CMC1: variants seen among roughly 807,000 people sequenced by gnomAD.
CMC1 encodes the protein C-X9-C motif containing 1, also known as COX assembly mitochondrial protein homolog.
Under a neutral mutation model 14.1 loss-of-function variants are expected in CMC1, and 14 were observed. That is an observed-to-expected ratio of 0.99 (90% CI 0.66 to 1.55). The LOEUF is 1.55. Among genes scored for constraint, CMC1 ranks in the 40% most tolerant of loss-of-function variants. CMC1 has a pLI of 0.00. For missense variants in CMC1, 127 were observed against 123.8 expected (o/e 1.03, Z -0.12); for synonymous variants, 50 against 38.4 (o/e 1.30, Z -1.12).
intron 1 of CMC1, among the ~76,000 whole-genome samples, chr3:28,256,767 C>A (rs1699434605): frequency 6.6e-6 from 1 of 152,114 alleles, no homozygotes; most frequent in Non-Finnish European, 1.5e-5. Flanking sequence ...ATTTGAGCAT[C>A]CAAGACAGAG....
At chr3:28,249,645 A>G (rs956756022) in intron 1 of CMC1, among the ~76,000 whole-genome samples, 1 of 152,196 alleles carries the variant, frequency 6.6e-6, no homozygotes, top group Non-Finnish European at 1.5e-5. Flanking sequence ...CCCAAGCATT[A>G]AGAATTTTGT....
chr3:28,280,938 C>T (rs928995322), intron 2 of CMC1, among the ~76,000 whole-genome samples: 1 of 152,196 alleles, frequency 6.6e-6, no homozygotes, highest in African/African-American at 2.4e-5. Context: ...CACAGCCATG[C>T]TCATTTACTT....
intron 2 of CMC1, among the ~76,000 whole-genome samples, chr3:28,305,823 T>C (rs953698407): frequency 3.7e-5 from 5 of 134,234 alleles, no homozygotes; most frequent in Admixed American, 1.6e-4. Flanking sequence ...TTTGAGGTCT[T>C]ACGTTTAAGT....
At chr3:28,310,197 C>T (rs12492440) in intron 2 of CMC1, among the ~76,000 whole-genome samples, 1 of 152,160 alleles carries the variant, frequency 6.6e-6, no homozygotes, top group African/African-American at 2.4e-5. Context: ...TTCTGTGCTT[C>T]CATAGCACCC....
chr3:28,307,816 G>A (rs752577453), intron 2 of CMC1, among the ~76,000 whole-genome samples: 16 of 152,100 alleles, frequency 1.1e-4, no homozygotes, highest in East Asian at 1.9e-4. Context: ...TCATAGTTCC[G>A]TAGTTCTCAA....
In CMC1 at chr3:28,322,752, T is replaced by C. The variant is rs1703225480; in HGVS notation, c.*3123T>C. The C allele has an allele frequency of 6.6e-6, 1 of 151,588 alleles. No individual in the cohort carries two copies. The highest frequency in any genetic ancestry group is 2.4e-5 in the African/African-American group (1 of 41,314). The allele number at this position is 151,588 out of a possible 1,614,324, so 9.4% of individuals were successfully genotyped here. A position where few individuals can be genotyped will look rare whatever the true frequency, so the allele number is the denominator to read the frequency against. ...AATCACAGACAAGCTTGAATAAGTGTAAGATAATAGAAAAAAATATCTAGT... is the reference window on the plus strand; with the variant it reads ...AATCACAGACAAGCTTGAATAAGTGCAAGATAATAGAAAAAAATATCTAGT... On this transcript the variant is annotated 3_prime_UTR_variant, in exon 4 of 4. Transcript: ENST00000466830.
rs1559454589 is a variant in CMC1 at position 28,324,199 on chromosome 3, C to T, written c.*4570C>T. The T allele has an allele frequency of 3.1e-6, 5 of 1,610,674 alleles. No individual in the cohort carries two copies. Among genetic ancestry groups the T allele is most frequent in the Non-Finnish European group, 4.2e-6 (5 of 1,177,618 alleles). ...CCAGGAATTGTCTTCCAGAGAATTT[C>T]TGCCATAAGAACTGTGTTCCTGAAA... On this transcript the variant is annotated 3_prime_UTR_variant, in exon 4 of 4. Transcript: ENST00000466830.
chr3:28,299,808 G>A (rs1218083155), intron 2 of CMC1, among the ~76,000 whole-genome samples: 1 of 151,938 alleles, frequency 6.6e-6, no homozygotes, highest in Admixed American at 6.6e-5. Flanking sequence ...GTATTTTAAT[G>A]TTTATCTTCA....
chr3:28,241,943 C>T (rs1698544219), intron 1 of CMC1, 131 bp downstream of exon 1: 3 of 963,630 alleles, frequency 3.1e-6, no homozygotes, highest in African/African-American at 1.7e-5. Flanking sequence ...AGCGTCTCCT[C>T]ATACCCGGCG....
At chr3:28,258,190 G>A (rs1699524662) in intron 1 of CMC1, among the ~76,000 whole-genome samples, 1 of 149,982 alleles carries the variant, frequency 6.7e-6, no homozygotes, top group Non-Finnish European at 1.5e-5. Context: ...GATATATTCT[G>A]GACTCAAGTC....
At chr3:28,310,905 A>G (rs1335753085) in intron 2 of CMC1, among the ~76,000 whole-genome samples, 1 of 152,048 alleles carries the variant, frequency 6.6e-6, no homozygotes, top group Non-Finnish European at 1.5e-5. Flanking sequence ...ACAATTCTTC[A>G]CAAGAGGGTT....
intron 2 of CMC1, among the ~76,000 whole-genome samples, chr3:28,301,796 G>T (rs1702062208): frequency 6.6e-6 from 1 of 152,046 alleles, no homozygotes; most frequent in Non-Finnish European, 1.5e-5. Context: ...GCTGAGCCAG[G>T]AGAAGAGAAA....
chr3:28,318,472 C>T (rs1425216601), intron 3 of CMC1: 1 of 151,852 alleles, frequency 6.6e-6, no homozygotes, highest in Non-Finnish European at 1.5e-5. Flanking sequence ...GTTGGTGATT[C>T]CCCAAGTTCT....
rs1448148193 is a variant in CMC1, at chr3:28,272,887, A to G, written c.109+9507A>G. Among the ~76,000 whole-genome samples the G allele has an allele frequency of 2.6e-5, 4 of 151,918 alleles. No homozygotes were observed. The East Asian group carries it at 5.8e-4, about 22-fold the overall frequency. On this transcript the variant is annotated intron_variant, in intron 2 of 3. Coordinates refer to ENST00000466830, the MANE Select transcript of CMC1 (RefSeq NM_182523.2). ...TTTTTAGTAGAGATGGGGTTTCACT[A>G]TGTTGGCCAGGCTGGTCTCAAACTC...
At chr3:28,243,203 C>G in intron 1 of CMC1, among the ~76,000 whole-genome samples, 1 of 151,976 alleles carries the variant, frequency 6.6e-6, no homozygotes, top group Admixed American at 6.6e-5. Context: ...TTACGGGCGC[C>G]CGCCACCACG....
At chr3:28,243,218 G>A (rs1293251905) in intron 1 of CMC1, among the ~76,000 whole-genome samples, 1 of 151,976 alleles carries the variant, frequency 6.6e-6, no homozygotes, top group Non-Finnish European at 1.5e-5. Flanking sequence ...ACCACGGCCG[G>A]CTAATTTTTG....
Position 28,241,806 on chromosome 3 carries a change from C to A in CMC1, c.13C>A (p.Pro5Thr), listed in dbSNP as rs1698532077. The stretch of plus-strand genomic sequence containing the variant: ...TCGGCCCGCCGAGATGGCGCTCGAC[C>A]CCGCAGGTACCGGGGCGGGAAGCGG... MALD[P>T]ADQHLRHVEK... Residue 5 changes from proline to threonine, a missense_variant, in exon 1 of 4, where the codon CCC (proline) becomes ACC (threonine). By Grantham distance (38) the Pro-to-Thr change is conservative. Transcript: ENST00000466830. 1 of 1,239,858 alleles carries A rather than the reference C, an allele frequency of 8.1e-7. No individual in the cohort carries two copies. Among genetic ancestry groups the A allele is most frequent in the Non-Finnish European group, 1.0e-6 (1 of 988,100 alleles). The allele number at this position is 1,239,858 out of a possible 1,614,324, so 76.8% of individuals were successfully genotyped here.
In CMC1 at chr3:28,324,641, A is replaced by G. The variant is rs1703314342; in HGVS notation, c.*5012A>G. Reference sequence around the variant, plus strand: ...ATCTGAGTTTTAATCCTGGATCAGCAATTTACTGTGACTTTAGATATTTGT... The same window carrying G: ...ATCTGAGTTTTAATCCTGGATCAGCGATTTACTGTGACTTTAGATATTTGT... On this transcript the variant is annotated 3_prime_UTR_variant, in exon 4 of 4. Coordinates refer to ENST00000466830, the MANE Select transcript of CMC1 (RefSeq NM_182523.2). 2.2e-6 allele frequency: 1 copy of G among 450,684 alleles called. No homozygotes were observed. The highest frequency in any genetic ancestry group is 3.7e-6 in the Non-Finnish European group (1 of 268,138). 27.9% of individuals were successfully genotyped at this position (450,684 alleles called of 1,614,324 possible). A position where few individuals can be genotyped will look rare whatever the true frequency, so the allele number is the denominator to read the frequency against.
intron 2 of CMC1, among the ~76,000 whole-genome samples, chr3:28,281,989 T>A (rs1367554906): frequency 6.6e-6 from 1 of 152,124 alleles, no homozygotes. Context: ...GATTTTGGAG[T>A]GTCTTAACAG....
Sources: allele counts gnomAD v4.1 joint callset (sites outside exome capture counted in the v4.1 genomes callset), GRCh38; gene constraint gnomAD v4.1.1; transcripts MANE v1.5; gene names NCBI Gene and HGNC (gene_info 2026-07-23, HGNC 2026-07-21).